The following JPH3 variants were observed in gnomAD, a reference collection of about 807,000 sequenced individuals.
JPH3 encodes the protein junctophilin-3.
Under a neutral mutation model 59.6 loss-of-function variants are expected in JPH3, and 11 were observed. That is an observed-to-expected ratio of 0.18 (90% confidence interval 0.12 to 0.31). The LOEUF is 0.31. JPH3 is among the 10% of genes least tolerant of loss of function. The pLI is 1.00. For synonymous variants in JPH3, 673 were observed against 483.6 expected, an observed-to-expected ratio of 1.39 and a Z score of -5.14; for missense variants, 1,202 against 1,105.7, an observed-to-expected ratio of 1.09 and a Z score of -1.24.
At chr16:87,693,247 T>C (rs946074837) in intron 4 of JPH3, among the ~76,000 whole-genome samples, 1 of 152,250 alleles carries the variant, frequency 6.6e-6, no homozygotes, top group African/African-American at 2.4e-5. Flanking sequence ...CTGGTGCTGC[T>C]GTGGCTGCAG....
In JPH3 at chr16:87,664,709, C is replaced by T. The variant is rs561880504; in HGVS notation, c.1161-19433C>T. On this transcript the variant is annotated intron_variant, in intron 2 of 4. Transcript: ENST00000284262. ...ACAGGAGCTCCACGGTGAGCCACCC[C>T]GGAGTGAAGGCCACTGGCCCTCCTT... 7.3e-4 allele frequency among the ~76,000 whole-genome samples: 111 copies of T among 152,294 alleles called. 1 individual carries two copies. Among genetic ancestry groups the T allele is most frequent in the African/African-American group, 2.5e-3 (103 of 41,554 alleles).
intron 1 of JPH3, among the ~76,000 whole-genome samples, chr16:87,629,229 C>T (rs923990074): frequency 6.6e-6 from 1 of 152,172 alleles, no homozygotes; most frequent in African/African-American, 2.4e-5. Context: ...CCTTCAGACG[C>T]GGCAGCTGGG....
At position 87,637,285 on chromosome 16, in the gene JPH3, G is replaced by A. The variant is rs570802949; in HGVS notation, c.383-6973G>A. Among the ~76,000 whole-genome samples, 268 of 152,250 alleles carry A rather than the reference G, an allele frequency of 1.8e-3. 1 individual carries two copies. The highest frequency in any genetic ancestry group is 2.4e-3 in the Non-Finnish European group (164 of 68,024). Reference sequence around the variant, plus strand: ...TTCTGATCATCAGCTCTATCAGGTTGCAGGCCACTTTCATCACCCCAAAAC... The same window carrying A: ...TTCTGATCATCAGCTCTATCAGGTTACAGGCCACTTTCATCACCCCAAAAC... On this transcript the variant is annotated intron_variant, in intron 1 of 4. Transcript: ENST00000284262.
chr16:87,677,225 C>CACAAAAAAAAA (rs1271128667), intron 2 of JPH3, among the ~76,000 whole-genome samples: 4 of 81,726 alleles, frequency 4.9e-5, no homozygotes, highest in African/African-American at 1.7e-4. Context: ...CACACACACA[C>CACAAAAAAAAA]AAAAAAAAAA....
At position 87,611,094 on chromosome 16, in the gene JPH3, G is replaced by GT. The variant is rs2030715045; in HGVS notation, c.382+7567dup. Among the ~76,000 whole-genome samples, 1 of 152,214 alleles carries GT rather than the reference G, an allele frequency of 6.6e-6. No individual in the cohort carries two copies. The highest frequency in any genetic ancestry group is 1.5e-5 in the Non-Finnish European group (1 of 68,044). Reference sequence around the variant, plus strand: ...GTATGTACGCAGTACAGAGTTTGTGGTAACGTGGAAGATTGGAAAAAAAGA... The same window carrying GT: ...GTATGTACGCAGTACAGAGTTTGTGGTTAACGTGGAAGATTGGAAAAAAAGA... On this transcript the variant is annotated intron_variant, in intron 1 of 4. Transcript: ENST00000284262. This position sits in a 1 kb window ranked among gnomAD's most constrained non-coding sequence, Gnocchi z 4.5.
Position 87,640,833 on chromosome 16 carries a change from G to A in JPH3, c.383-3425G>A, listed in dbSNP as rs561371604. ...TGTCCACAGCCCTGGCACGGAAGGGGCAGTCGCTGAGGGTGCAGTCTTGGG... is the reference window on the plus strand; with the variant it reads ...TGTCCACAGCCCTGGCACGGAAGGGACAGTCGCTGAGGGTGCAGTCTTGGG... On this transcript the variant is annotated intron_variant, in intron 1 of 4. Coordinates refer to ENST00000284262, the MANE Select transcript of JPH3 (RefSeq NM_020655.4). Among the ~76,000 whole-genome samples, 3 of 152,382 alleles carry A rather than the reference G, an allele frequency of 2.0e-5. No homozygotes were observed. The South Asian group carries it at 6.2e-4, about 32-fold the overall frequency.
In JPH3 at chr16:87,659,374, C is replaced by CAAAAAAAAAAAAAAAAAAAAAA. The variant is rs1354448370; in HGVS notation, c.1160+14351_1160+14352insAAAAAAAAAAAAAAAAAAAAAA. 1.1e-3 allele frequency among the ~76,000 whole-genome samples: 81 copies of CAAAAAAAAAAAAAAAAAAAAAA among 74,506 alleles called. 5 individuals are homozygous for CAAAAAAAAAAAAAAAAAAAAAA. Among genetic ancestry groups the CAAAAAAAAAAAAAAAAAAAAAA allele is most frequent in the East Asian group, 1.8e-3 (5 of 2,766 alleles). The allele number at this position is 74,506 out of a possible 152,430, so 48.9% of individuals were successfully genotyped here. A position where few individuals can be genotyped will look rare whatever the true frequency, so the allele number is the denominator to read the frequency against. ...CCTGGGTGACAGAGTAAGACTGTCT[C>CAAAAAAAAAAAAAAAAAAAAAA]AAAAAAAAAAAAGAAAAAAAAAAAG... On this transcript the variant is annotated intron_variant, in intron 2 of 4. Transcript: ENST00000284262.
chr16:87,639,619 C>T (rs1373739109), intron 1 of JPH3, among the ~76,000 whole-genome samples: 1 of 150,494 alleles, frequency 6.6e-6, no homozygotes, highest in African/African-American at 2.5e-5. Context: ...TGTCCTCCCT[C>T]CTGGCCTCCC....
At chr16:87,616,240 T>TGTA (rs2030964277) in intron 1 of JPH3, among the ~76,000 whole-genome samples, 2 of 100,042 alleles carry the variant, frequency 2.0e-5, no homozygotes, top group Non-Finnish European at 4.1e-5. Flanking sequence ...GTGTGTGTAT[T>TGTA]TTTTTTTTTT....
At chr16:87,665,077 T>TA (rs1290007064) in intron 2 of JPH3, among the ~76,000 whole-genome samples, 1 of 152,222 alleles carries the variant, frequency 6.6e-6, no homozygotes, top group Non-Finnish European at 1.5e-5. Flanking sequence ...CCGGCCCTCT[T>TA]CCTTGCCGGA....
Position 87,690,107 on chromosome 16 carries a change from A to C in JPH3, c.1747A>C (p.Thr583Pro). ...GCGGACGGAGTCACCCCCCGTGTTC[A>C]CGTGGACTTCCCACCACCGGGCCAG... ...ERRTESPPVF[T>P]WTSHHRASNH... The change falls in exon 4 of 5, where the codon ACG becomes CCG. Residue 583 changes from threonine to proline, a missense_variant. Transcript: ENST00000284262. 2 of 1,577,096 alleles carry C rather than the reference A, an allele frequency of 1.3e-6. No individual in the cohort carries two copies. The highest frequency in any genetic ancestry group is 2.4e-5 in the East Asian group (1 of 42,040).
rs1382046178 is a variant in JPH3 at position 87,689,990 on chromosome 16, A to C, written c.1630A>C (p.Ser544Arg). The change falls in exon 4 of 5, where the codon AGC becomes CGC. Residue 544 changes from serine to arginine, a missense_variant. Coordinates refer to ENST00000284262, the MANE Select transcript of JPH3 (RefSeq NM_020655.4). ...GGCCGGGGGCTCCAGGGGTGTCCGC[A>C]GCGGTGCCCTGCGCGGCGGCCTGCT... Reference protein sequence around the residue: ...EQAGGSRGVRSGALRGGLLVD... With the variant: ...EQAGGSRGVRRGALRGGLLVD... 6.7e-7 allele frequency: 1 copy of C among 1,486,588 alleles called. No individual in the cohort carries two copies. The highest frequency in any genetic ancestry group is 8.9e-7 in the Non-Finnish European group (1 of 1,119,144). 92.1% of individuals were successfully genotyped at this position (1,486,588 alleles called of 1,614,324 possible).
At position 87,696,565 on chromosome 16, in the gene JPH3, C is replaced by T; in HGVS notation, c.2167-15C>T. On this transcript the variant is annotated splice_polypyrimidine_tract_variant and intron_variant, in intron 4 of 4. Transcript: ENST00000284262. The stretch of plus-strand genomic sequence containing the variant: ...CCGCAGCTGTCGCTCACCTCTTCCC[C>T]TCGCTCTCTTCCAGGGCTCAGCGCC... The T allele has an allele frequency of 6.2e-7, 1 of 1,611,390 alleles. No individual in the cohort carries two copies. Among genetic ancestry groups the T allele is most frequent in the Non-Finnish European group, 8.5e-7 (1 of 1,178,900 alleles).
intron 1 of JPH3, among the ~76,000 whole-genome samples, chr16:87,641,500 G>A (rs994361073): frequency 6.6e-6 from 1 of 152,196 alleles, no homozygotes; most frequent in Non-Finnish European, 1.5e-5. Flanking sequence ...GGACGAGGCT[G>A]AAGCTGACCT....
chr16:87,652,276 G>A (rs908193033), intron 2 of JPH3, among the ~76,000 whole-genome samples: 31 of 152,162 alleles, frequency 2.0e-4, no homozygotes, highest in African/African-American at 7.0e-4. Context: ...CGCCCAGCCT[G>A]TTAGAAGTTG....
intron 1 of JPH3, among the ~76,000 whole-genome samples, chr16:87,643,938 A>G (rs1293322062): frequency 6.6e-6 from 1 of 152,066 alleles, no homozygotes; most frequent in Non-Finnish European, 1.5e-5. Flanking sequence ...TGAGTTAGAA[A>G]CCAGCCTGGC....
intron 2 of JPH3, among the ~76,000 whole-genome samples, chr16:87,671,572 G>T (rs1409921453): frequency 6.6e-6 from 1 of 152,052 alleles, no homozygotes; most frequent in Non-Finnish European, 1.5e-5. Flanking sequence ...CACAACCCTT[G>T]TACCCAGCCC....
rs1490552097 is a variant in JPH3, at chr16:87,644,790, C to T, written c.915C>T (p.Arg305=). ...GCTCCGGCTTCGGCGTGAGCCAGCGCTCGGACGGGCTCAAGTACGAGGGCG... is the reference window on the plus strand; with the variant it reads ...GCTCCGGCTTCGGCGTGAGCCAGCGTTCGGACGGGCTCAAGTACGAGGGCG... ...DKRSGFGVSQ[R]SDGLKYEGEW... The change falls in exon 2 of 5, where the codon CGC becomes CGT. Residue 305 remains arginine (R), a synonymous_variant. Coordinates refer to ENST00000284262, the MANE Select transcript of JPH3 (RefSeq NM_020655.4). 1 of 1,613,340 alleles carries T rather than the reference C, an allele frequency of 6.2e-7. No homozygotes were observed. Among genetic ancestry groups the T allele is most frequent in the Admixed American group, 1.7e-5 (1 of 59,992 alleles).
chr16:87,637,891 C>T (rs2150840257), intron 1 of JPH3, among the ~76,000 whole-genome samples: 1 of 152,144 alleles, frequency 6.6e-6, no homozygotes, highest in African/African-American at 2.4e-5. Context: ...GTTGTCAGAG[C>T]AGTGCTGTTT....
Sources: allele counts gnomAD v4.1 joint callset (sites outside exome capture counted in the v4.1 genomes callset), GRCh38; gene constraint gnomAD v4.1.1; non-coding constraint Gnocchi (gnomAD v3.1); transcripts MANE v1.5; gene names NCBI Gene and HGNC (gene_info 2026-07-23, HGNC 2026-07-21).